Variants in MTDH observed in about 807,000 individuals in gnomAD.
MTDH encodes the protein metadherin, also known as protein LYRIC.
A neutral mutation model predicts 72.7 loss-of-function variants in MTDH; 34 were observed. The observed-to-expected ratio is 0.47, with a 90% CI of 0.36 to 0.62. MTDH has a LOEUF of 0.62. MTDH is among the 20% of genes least tolerant of loss of function. The pLI is 0.00. For missense variants in MTDH, 677 were observed against 699.4 expected, an observed-to-expected ratio of 0.97 and a Z score of 0.36; for synonymous variants, 266 against 268.9, an observed-to-expected ratio of 0.99 and a Z score of 0.10.
intron 1 of MTDH, among the ~76,000 whole-genome samples, chr8:97,652,125 G>A (rs1039106349): frequency 1.3e-5 from 2 of 152,228 alleles, no homozygotes; most frequent in Admixed American, 6.5e-5. Context: ...CTTTCTCAAC[G>A]CACTAGTAAT....
chr8:97,681,393 A>C (rs1421107304), intron 2 of MTDH, among the ~76,000 whole-genome samples: 2 of 152,064 alleles, frequency 1.3e-5, no homozygotes, highest in East Asian at 3.8e-4. Flanking sequence ...AAAAGGTAGG[A>C]AATATCTGCA....
At chr8:97,711,567 CAT>C (rs1382145768) in intron 8 of MTDH, among the ~76,000 whole-genome samples, 1 of 152,068 alleles carries the variant, frequency 6.6e-6, no homozygotes, top group Admixed American at 6.6e-5. Context: ...CCAGTGGTAA[CAT>C]GTTAAAAAAC....
intron 11 of MTDH, among the ~76,000 whole-genome samples, chr8:97,723,917 G>A (rs902419685): frequency 2.0e-5 from 3 of 151,974 alleles, no homozygotes; most frequent in Non-Finnish European, 2.9e-5. Flanking sequence ...AGACCAGCGT[G>A]GCCAACATGG....
intron 2 of MTDH, among the ~76,000 whole-genome samples, chr8:97,662,588 C>A (rs1291528097): frequency 6.6e-6 from 1 of 151,410 alleles, no homozygotes; most frequent in Admixed American, 6.6e-5. Flanking sequence ...GAATTCGAGA[C>A]CAGCCTGGCC....
chr8:97,664,029 C>T (rs746370209), intron 2 of MTDH, among the ~76,000 whole-genome samples: 3 of 152,084 alleles, frequency 2.0e-5, no homozygotes, highest in Admixed American at 6.6e-5. Context: ...GATAAGGGCT[C>T]CAGTGCCTAG....
chr8:97,729,426 T>C lies in MTDH; in HGVS notation c.*4756T>C, dbSNP rs532524988. ...TGAAGCTGGATGGGACGTAATATTC[T>C]ATCTGGGTTGTCATGGGCCAAATTA... On this transcript the variant is annotated 3_prime_UTR_variant, in exon 12 of 12. Coordinates refer to ENST00000336273, the MANE Select transcript of MTDH (RefSeq NM_178812.4). Among the ~76,000 whole-genome samples the C allele has an allele frequency of 6.6e-6, 1 of 152,262 alleles. No individual in the cohort carries two copies. The highest frequency in any genetic ancestry group is 2.4e-5 in the African/African-American group (1 of 41,568).
chr8:97,684,161 A>C (rs1813264749), intron 2 of MTDH, among the ~76,000 whole-genome samples: 2 of 151,060 alleles, frequency 1.3e-5, no homozygotes, highest in Non-Finnish European at 2.9e-5. Flanking sequence ...AAAAACGACT[A>C]GTCCAAATTG....
intron 1 of MTDH, among the ~76,000 whole-genome samples, chr8:97,653,307 T>G (rs1811845449): frequency 6.6e-6 from 1 of 152,228 alleles, no homozygotes; most frequent in African/African-American, 2.4e-5. Flanking sequence ...AAGAACTTTG[T>G]TATTTCCACT....
chr8:97,667,534 C>CT (rs891697482), intron 2 of MTDH, among the ~76,000 whole-genome samples: 2 of 152,096 alleles, frequency 1.3e-5, no homozygotes, highest in East Asian at 1.9e-4. Context: ...TCATATTACT[C>CT]TTTTTTTGCT....
intron 2 of MTDH, among the ~76,000 whole-genome samples, chr8:97,680,972 A>G (rs1813044711): frequency 6.6e-6 from 1 of 152,228 alleles, no homozygotes; most frequent in Non-Finnish European, 1.5e-5. Context: ...AGGTATAGCC[A>G]TACTGGAAAT....
intron 6 of MTDH, 119 bp downstream of exon 6, chr8:97,691,307 A>G: frequency 3.0e-6 from 2 of 667,134 alleles, no homozygotes; most frequent in Non-Finnish European, 4.8e-6. Flanking sequence ...CTGCAGAAAT[A>G]ATAGTAATAA....
At chr8:97,724,475 C>T in intron 11 of MTDH, 125 bp from the exon 12 acceptor site, 1 of 643,616 alleles carries the variant, frequency 1.6e-6, no homozygotes, top group Non-Finnish European at 2.5e-6. Context: ...GGCTTGAAAA[C>T]TTAAACATAA....
chr8:97,675,559 CAA>C (rs869166884), intron 2 of MTDH, among the ~76,000 whole-genome samples: 19 of 50,964 alleles, frequency 3.7e-4, no homozygotes, highest in East Asian at 7.8e-4. Flanking sequence ...GACTCTGTCT[CAA>C]AAAAAAAAAA....
intron 1 of MTDH, among the ~76,000 whole-genome samples, chr8:97,658,166 A>G (rs193228654): frequency 6.6e-6 from 1 of 152,226 alleles, no homozygotes; most frequent in East Asian, 1.9e-4. Context: ...AATCCCAGTA[A>G]TGATGAAAGC....
At chr8:97,668,810 C>A (rs1476755239) in intron 2 of MTDH, among the ~76,000 whole-genome samples, 3 of 152,156 alleles carry the variant, frequency 2.0e-5, no homozygotes, top group Non-Finnish European at 4.4e-5. Flanking sequence ...CCACCTCGGC[C>A]TCCCAAAGTG....
chr8:97,689,705 C>CTT (rs34132114), intron 5 of MTDH, among the ~76,000 whole-genome samples: 8 of 123,460 alleles, frequency 6.5e-5, no homozygotes, highest in African/African-American at 1.9e-4. Context: ...TCTTTCAGGC[C>CTT]TTTTTTTTTT....
intron 1 of MTDH, among the ~76,000 whole-genome samples, chr8:97,647,044 A>G (rs1811591472): frequency 6.6e-6 from 1 of 152,350 alleles, no homozygotes; most frequent in Non-Finnish European, 1.5e-5. Flanking sequence ...GTTATGGGGT[A>G]GCTTTACAGG....
At chr8:97,715,355 C>G (rs989049440) in intron 9 of MTDH, among the ~76,000 whole-genome samples, 18 of 149,696 alleles carry the variant, frequency 1.2e-4, no homozygotes, top group South Asian at 2.1e-4. Flanking sequence ...CTCAAGTGAT[C>G]TGGCCTCGAG....
chr8:97,653,420 C>T (rs200965449), intron 1 of MTDH, among the ~76,000 whole-genome samples: 4 of 152,156 alleles, frequency 2.6e-5, no homozygotes, highest in Non-Finnish European at 4.4e-5. Context: ...TTTAAAATTT[C>T]GAGTCAGAAG....
Sources: allele counts gnomAD v4.1 joint callset (sites outside exome capture counted in the v4.1 genomes callset), GRCh38; gene constraint gnomAD v4.1.1; transcripts MANE v1.5; gene names NCBI Gene and HGNC (gene_info 2026-07-23, HGNC 2026-07-21).